Variants in FANCD2 observed in about 807,000 individuals in gnomAD.
The protein encoded by FANCD2 is FA complementation group D2.
A neutral mutation model predicts 192.3 loss-of-function variants in FANCD2; 131 were observed. The observed-to-expected ratio is 0.68, with a 90% CI of 0.59 to 0.79. The LOEUF is 0.79. Among genes scored for constraint, FANCD2 ranks in the 30% least tolerant of loss-of-function variants. The probability of loss-of-function intolerance (pLI) is 0.00; values close to 1 mark genes in which losing one functional copy is unlikely to be tolerated. For missense variants in FANCD2, 1,508 were observed against 1,701.6 expected, an observed-to-expected ratio of 0.89 and a Z score of 2.00; for synonymous variants, 524 against 612.5, an observed-to-expected ratio of 0.86 and a Z score of 2.13.
Position 10,068,308 on chromosome 3 carries a change from A to G in FANCD2, c.2494+991A>G, listed in dbSNP as rs115497679. ...AAGTTGCAAGATACAAAATCATCAT[A>G]TAAAAATGAGTAGCATTTCTGTATG... is the stretch of plus-strand genomic sequence containing the variant. On this transcript the variant is annotated intron_variant, in intron 26 of 43. Coordinates refer to ENST00000675286, the MANE Select transcript of FANCD2 (RefSeq NM_001018115.3). 8.4e-3 allele frequency among the ~76,000 whole-genome samples: 1,275 copies of G among 152,340 alleles called. 22 individuals are homozygous for G. Among genetic ancestry groups the G allele is most frequent in the African/African-American group, 0.029 (1,197 of 41,590 alleles).
Position 10,092,178 on chromosome 3 carries a change from C to T in FANCD2, c.3778-3C>T. On this transcript the variant is annotated splice_region_variant and splice_polypyrimidine_tract_variant and intron_variant, in intron 37 of 43. Coordinates refer to ENST00000675286, the MANE Select transcript of FANCD2 (RefSeq NM_001018115.3). Reference sequence around the variant, plus strand: ...GAGGTGCCCATATATTTGGCTGCCCCAGATTCATGAAGAGAAACTCCTCTA... The same window carrying T: ...GAGGTGCCCATATATTTGGCTGCCCTAGATTCATGAAGAGAAACTCCTCTA... 1.2e-6 allele frequency: 2 copies of T among 1,612,792 alleles called. No individual in the cohort carries two copies. Among genetic ancestry groups the T allele is most frequent in the Non-Finnish European group, 1.7e-6 (2 of 1,178,796 alleles).
rs969021816 is a variant in FANCD2, at chr3:10,042,932, C to T, written c.889-118C>T. On this transcript the variant is annotated intron_variant, in intron 11 of 43. Transcript: ENST00000675286. Reference sequence around the variant, plus strand: ...TCATAACTCTATTTTTCAAAATGTCCAACATTTAAATTTTTTTCTTCCTCA... The same window carrying T: ...TCATAACTCTATTTTTCAAAATGTCTAACATTTAAATTTTTTTCTTCCTCA... 1.3e-4 allele frequency: 123 copies of T among 941,356 alleles called. No homozygotes were observed. In the African/African-American group the frequency reaches 2.0e-3, roughly 15 times the overall value. The allele number at this position is 941,356 out of a possible 1,614,324, so 58.3% of individuals were successfully genotyped here.
rs1272778956 is a variant in FANCD2, at chr3:10,087,271, G to C, written c.3466+7G>C. ...CAGAACAAAGAAAAAATTGGTGATGGGCCTAGATCCTTTTTTTTTTTTTTT... is the reference window on the plus strand; with the variant it reads ...CAGAACAAAGAAAAAATTGGTGATGCGCCTAGATCCTTTTTTTTTTTTTTT... On this transcript the variant is annotated splice_region_variant and intron_variant, in intron 34 of 43. Coordinates refer to ENST00000675286, the MANE Select transcript of FANCD2 (RefSeq NM_001018115.3). 2 of 1,564,792 alleles carry C rather than the reference G, an allele frequency of 1.3e-6. No individual in the cohort carries two copies. The highest frequency in any genetic ancestry group is 2.3e-5 in the South Asian group (2 of 85,650).
At chr3:10,039,594 T>C (rs2086813022) in intron 8 of FANCD2, 127 bp from the exon 9 acceptor site, 1 of 1,096,038 alleles carries the variant, frequency 9.1e-7, no homozygotes, top group Non-Finnish European at 1.3e-6. Context: ...GAAGATTCTT[T>C]TTCAAAGTAC....
At chr3:10,080,064 G>A (rs1190599788) in intron 30 of FANCD2, among the ~76,000 whole-genome samples, 1 of 151,654 alleles carries the variant, frequency 6.6e-6, no homozygotes, top group African/African-American at 2.4e-5. Flanking sequence ...ACAGGTGCAC[G>A]CCACCACACC....
At chr3:10,037,521 CTG>C (rs2086761829) in intron 7 of FANCD2, 1 of 152,140 alleles carries the variant, frequency 6.6e-6, no homozygotes, top group Non-Finnish European at 1.5e-5. Context: ...AAGATAATAA[CTG>C]TGAATGAAAA....
chr3:10,084,864 C>A (rs1414814773), intron 32 of FANCD2, among the ~76,000 whole-genome samples: 1 of 151,992 alleles, frequency 6.6e-6, no homozygotes, highest in Admixed American at 6.6e-5. Context: ...AGCCATAATA[C>A]AATGAAAGCA....
At chr3:10,070,619 T>C (rs1371882192) in intron 26 of FANCD2, among the ~76,000 whole-genome samples, 1 of 143,796 alleles carries the variant, frequency 7.0e-6, no homozygotes, top group African/African-American at 2.6e-5. Flanking sequence ...CCACCCCGTC[T>C]GGGAGGTGTA....
At chr3:10,031,297 A>T (rs1383377128) in intron 2 of FANCD2, among the ~76,000 whole-genome samples, 3 of 152,056 alleles carry the variant, frequency 2.0e-5, no homozygotes, top group African/African-American at 4.8e-5. Context: ...AGGTCAGGAG[A>T]TTGAGACCAT....
intron 26 of FANCD2, among the ~76,000 whole-genome samples, chr3:10,070,165 G>A (rs1227647856): frequency 1.3e-5 from 2 of 151,038 alleles, no homozygotes; most frequent in Admixed American, 1.3e-4. Context: ...CGTATGAGAA[G>A]TGAGGAGACC....
intron 31 of FANCD2, 41 bp from the exon 32 acceptor site, chr3:10,081,305 A>G (rs747942498): frequency 6.2e-7 from 1 of 1,612,390 alleles, no homozygotes; most frequent in Non-Finnish European, 8.5e-7. Flanking sequence ...AAATGAGGAC[A>G]ATTACTGAAG....
At position 10,088,476 on chromosome 3, in the gene FANCD2, G is replaced by A. The variant is rs549507714; in HGVS notation, c.3494G>A (p.Arg1165Gln). The change falls in exon 35 of 44, where the codon CGG becomes CAG. Residue 1165 changes from arginine to glutamine, a missense_variant. Physicochemically the swap from Arg to Gln is conservative, Grantham distance 43. Transcript: ENST00000675286. ...TCCCTTGCCAGACAATTCCTCTGTC[G>A]GGTGTGGCCAAGTGGGGATAAAGAG... is the stretch of plus-strand genomic sequence containing the variant. ...IASLARQFLC[R>Q]VWPSGDKEKS... The A allele has an allele frequency of 9.9e-5, 160 of 1,611,224 alleles. 2 individuals are homozygous for A. In the South Asian group the frequency reaches 1.4e-3, roughly 14 times the overall value.
intron 10 of FANCD2, 43 bp downstream of exon 10, chr3:10,041,753 A>G (rs775042717): frequency 7.4e-6 from 10 of 1,342,394 alleles, no homozygotes; most frequent in African/African-American, 5.8e-5. Context: ...CAGCTTTCCA[A>G]CCTCCCAGAA....
intron 34 of FANCD2, among the ~76,000 whole-genome samples, chr3:10,087,883 G>A (rs1359394395): frequency 2.0e-5 from 3 of 151,932 alleles, no homozygotes; most frequent in Non-Finnish European, 2.9e-5. Flanking sequence ...TCCTGACCTC[G>A]TGATCCACCT....
chr3:10,078,555 C>T (rs1018567557), intron 30 of FANCD2, among the ~76,000 whole-genome samples: 1 of 151,778 alleles, frequency 6.6e-6, no homozygotes, highest in Non-Finnish European at 1.5e-5. Flanking sequence ...GGGGTTTCAC[C>T]GTGTTAGCCA....
In FANCD2 at chr3:10,065,415, G is replaced by A. The variant is rs751345893; in HGVS notation, c.2190G>A (p.Leu730=). 3.7e-6 allele frequency: 6 copies of A among 1,613,774 alleles called. No homozygotes were observed. Among genetic ancestry groups the A allele is most frequent in the Non-Finnish European group, 5.1e-6 (6 of 1,179,662 alleles). ...TCAGATTGGTGTCTCCGCTGTGCCTGGCTCCGTATTTCCGGTTACTGAGAC... is the reference window on the plus strand; with the variant it reads ...TCAGATTGGTGTCTCCGCTGTGCCTAGCTCCGTATTTCCGGTTACTGAGAC... The part of the protein sequence containing the change: ...SGQKLVSPLC[L]APYFRLLRLC... The change falls in exon 24 of 44, where the codon CTG becomes CTA. Residue 730 remains leucine, a synonymous_variant. Coordinates refer to ENST00000675286, the MANE Select transcript of FANCD2 (RefSeq NM_001018115.3).
Position 10,095,321 on chromosome 3 carries a change from T to G in FANCD2, c.4038+47T>G, listed in dbSNP as rs754430808. On this transcript the variant is annotated intron_variant, in intron 41 of 43. Transcript: ENST00000675286. ...ATCAGCAGCCTGCCTGTTGGCTTAA[T>G]CTGCAGTTGCTATTGGGGGATCCAT... is the stretch of plus-strand genomic sequence containing the variant. 22 of 1,484,672 alleles carry G rather than the reference T, an allele frequency of 1.5e-5. No individual in the cohort carries two copies. The East Asian group carries it at 5.0e-4, about 34-fold the overall frequency. 92.0% of individuals were successfully genotyped at this position (1,484,672 alleles called of 1,614,324 possible). A position where few individuals can be genotyped will look rare whatever the true frequency, so the allele number is the denominator to read the frequency against.
rs762915519 is a variant in FANCD2, at chr3:10,090,300, T to C, written c.3692T>C (p.Phe1231Ser). 7 of 1,613,362 alleles carry C rather than the reference T, an allele frequency of 4.3e-6. No individual in the cohort carries two copies. In the East Asian group the frequency reaches 1.1e-4, roughly 26 times the overall value. The change falls in exon 37 of 44, where the codon TTT (phenylalanine) becomes TCT (serine). Residue 1231 changes from phenylalanine (F) to serine (S), a missense_variant. Coordinates refer to ENST00000675286, the MANE Select transcript of FANCD2 (RefSeq NM_001018115.3). Reference sequence around the variant, plus strand: ...CTTTTCCCGTCTTCTAGGCATACTTTTGTTGTTTTCTTCCGTGTGATGATG... The same window carrying C: ...CTTTTCCCGTCTTCTAGGCATACTTCTGTTGTTTTCTTCCGTGTGATGATG... ...STFPTLTRHT[F>S]VVFFRVMMAE...
intron 24 of FANCD2, 83 bp from the exon 25 acceptor site, chr3:10,065,781 G>A (rs2087702349): frequency 1.3e-5 from 11 of 859,052 alleles, no homozygotes; most frequent in Non-Finnish European, 2.2e-5. Flanking sequence ...AAAGTAAATA[G>A]CAAGGACAGC....
Sources: gnomAD v4.1 joint callset for allele counts (sites outside exome capture counted in the v4.1 genomes callset) on GRCh38, gnomAD v4.1.1 for gene constraint, MANE v1.5 for transcripts, NCBI Gene and HGNC (gene_info 2026-07-23, HGNC 2026-07-21) for gene names.